The following AEBP2 variants were observed in gnomAD, a reference collection of about 807,000 sequenced individuals.
AEBP2 encodes the protein zinc finger protein AEBP2.
AEBP2 carries 10 observed loss-of-function variants against 50.8 expected under a neutral mutation model. That is an observed-to-expected ratio of 0.20 (90% CI 0.12 to 0.33). The LOEUF (loss-of-function observed/expected upper bound fraction) is 0.33, where lower values mean the gene tolerates loss of function less well. AEBP2 is among the 10% of genes least tolerant of loss of function. The pLI is 1.00. For synonymous variants in AEBP2, 296 were observed against 261.3 expected (o/e 1.13, Z -1.28); for missense variants, 570 against 688.0 (o/e 0.83, Z 1.92).
chr12:19,515,287 A>G (rs1949302340), intron 7 of AEBP2, among the ~76,000 whole-genome samples: 2 of 152,156 alleles, frequency 1.3e-5, no homozygotes, highest in South Asian at 4.1e-4. Context: ...TGCTGTGCTT[A>G]TGAAGGTATG....
chr12:19,471,329 G>A (rs139350230), intron 2 of AEBP2, among the ~76,000 whole-genome samples: 130 of 152,312 alleles, frequency 8.5e-4, no homozygotes, highest in African/African-American at 3.0e-3. Context: ...ATGTTGCCCA[G>A]GCTGGCCTCA....
At chr12:19,427,446 T>C (rs1035768792) in intron 1 of AEBP2, among the ~76,000 whole-genome samples, 1 of 150,124 alleles carries the variant, frequency 6.7e-6, no homozygotes, top group Non-Finnish European at 1.5e-5. Flanking sequence ...GTGACATGCA[T>C]CTTCTCCTAT....
At chr12:19,472,178 A>C (rs1301522381) in intron 2 of AEBP2, among the ~76,000 whole-genome samples, 1 of 152,112 alleles carries the variant, frequency 6.6e-6, no homozygotes, top group Non-Finnish European at 1.5e-5. Context: ...TAAAAATTTT[A>C]TTTTAGGCTG....
intron 5 of AEBP2, among the ~76,000 whole-genome samples, chr12:19,502,584 A>G (rs12824986): frequency 0.091 from 13,732 of 150,842 alleles, 701 homozygotes; most frequent in Middle Eastern, 0.15. Flanking sequence ...TTTGAAGATC[A>G]GTTGGTTGTA....
At chr12:19,458,109 C>T (rs999163178) in intron 1 of AEBP2, among the ~76,000 whole-genome samples, 1 of 152,096 alleles carries the variant, frequency 6.6e-6, no homozygotes, top group African/African-American at 2.4e-5. Flanking sequence ...TGTTACATAA[C>T]GTATTATAGG....
intron 2 of AEBP2, among the ~76,000 whole-genome samples, chr12:19,467,895 G>A (rs906194818): frequency 2.6e-5 from 4 of 151,898 alleles, no homozygotes; most frequent in African/African-American, 9.7e-5. Context: ...GAGGCAAAGC[G>A]AGGAGATTGT....
At chr12:19,505,859 T>C (rs182558456) in intron 5 of AEBP2, among the ~76,000 whole-genome samples, 1 of 152,280 alleles carries the variant, frequency 6.6e-6, no homozygotes, top group East Asian at 1.9e-4. Context: ...CACTGTTGCC[T>C]CAAACTCCTG....
intron 4 of AEBP2, 122 bp downstream of exon 4, chr12:19,494,108 G>T: frequency 1.9e-6 from 2 of 1,076,300 alleles, no homozygotes; most frequent in Non-Finnish European, 1.3e-6. Context: ...CAGGTAGGAT[G>T]CCTGTCTGTC....
In AEBP2 at chr12:19,440,388, T is replaced by C; in HGVS notation, c.671+18T>C. The C allele has an allele frequency of 6.8e-7, 1 of 1,466,514 alleles. No homozygotes were observed. The highest frequency in any genetic ancestry group is 9.0e-7 in the Non-Finnish European group (1 of 1,114,598). The allele number at this position is 1,466,514 out of a possible 1,614,324, so 90.8% of individuals were successfully genotyped here. ...GAGGACAGGTCAGTGCTCTGAAGCGTTTCCCCTTCCCTTCCTCCTCTTGAA... is the reference window on the plus strand; with the variant it reads ...GAGGACAGGTCAGTGCTCTGAAGCGCTTCCCCTTCCCTTCCTCCTCTTGAA... On this transcript the variant is annotated intron_variant, in intron 1 of 7. Transcript: ENST00000266508.
At chr12:19,433,022 G>A (rs868628319) in intron 1 of AEBP2, among the ~76,000 whole-genome samples, 2 of 152,000 alleles carry the variant, frequency 1.3e-5, no homozygotes, top group African/African-American at 2.4e-5. Context: ...AGCATCACAC[G>A]TTCACCAAGC....
At chr12:19,406,801 A>G (rs1259946268) in intron 1 of AEBP2, among the ~76,000 whole-genome samples, 4 of 151,740 alleles carry the variant, frequency 2.6e-5, no homozygotes, top group Admixed American at 6.6e-5. Flanking sequence ...ATTTTCTCCT[A>G]TGTTATCTTC....
chr12:19,506,095 A>AAT (rs1362830189), intron 5 of AEBP2, among the ~76,000 whole-genome samples: 1 of 149,558 alleles, frequency 6.7e-6, no homozygotes, highest in Non-Finnish European at 1.5e-5. Flanking sequence ...TTTTTAAAAT[A>AAT]ATATATATAA....
intron 1 of AEBP2, chr12:19,413,161 C>T (rs879028865): frequency 4.7e-5 from 35 of 740,436 alleles, no homozygotes; most frequent in Admixed American, 3.8e-4. Context: ...AGGATCCTGG[C>T]GATGCAGCCC....
chr12:19,466,369 T>A (rs1052098987), intron 2 of AEBP2, among the ~76,000 whole-genome samples: 2 of 152,110 alleles, frequency 1.3e-5, no homozygotes, highest in Middle Eastern at 3.4e-3. Context: ...GGTGGGAGAA[T>A]TGCTTGAGCC....
At chr12:19,405,452 G>A (rs925433902) in intron 1 of AEBP2, among the ~76,000 whole-genome samples, 1 of 151,944 alleles carries the variant, frequency 6.6e-6, no homozygotes, top group Admixed American at 6.6e-5. Flanking sequence ...AGCCTCCTGA[G>A]TAGCTGGGAC....
chr12:19,430,009 T>G (rs10770483), intron 1 of AEBP2, among the ~76,000 whole-genome samples: 1 of 151,974 alleles, frequency 6.6e-6, no homozygotes, highest in African/African-American at 2.4e-5. Context: ...TTTTGGCTTT[T>G]GTTGCCATTG....
rs1949399117 is a variant in AEBP2 at position 19,521,524 on chromosome 12, T to G, written c.*3407T>G. 6.6e-6 allele frequency: 1 copy of G among 152,112 alleles called. No individual in the cohort carries two copies. Among genetic ancestry groups the G allele is most frequent in the African/African-American group, 2.4e-5 (1 of 41,448 alleles). 9.4% of individuals were successfully genotyped at this position (152,112 alleles called of 1,614,324 possible). A position where few individuals can be genotyped will look rare whatever the true frequency, so the allele number is the denominator to read the frequency against. On this transcript the variant is annotated 3_prime_UTR_variant, in exon 8 of 8. Coordinates refer to ENST00000266508, the MANE Select transcript of AEBP2 (RefSeq NM_153207.5). ...TGGAAATAGTGTAAAATTTAAAATT[T>G]TTTATATTTCTAATAAACTTTTTAT...
At chr12:19,471,687 C>G (rs1046002499) in intron 2 of AEBP2, among the ~76,000 whole-genome samples, 2 of 151,412 alleles carry the variant, frequency 1.3e-5, no homozygotes, top group African/African-American at 4.8e-5. Flanking sequence ...GCCATTATGC[C>G]TAGCCAATTT....
intron 1 of AEBP2, among the ~76,000 whole-genome samples, chr12:19,417,821 C>T (rs1460475625): frequency 6.6e-6 from 1 of 152,026 alleles, no homozygotes; most frequent in African/African-American, 2.4e-5. Context: ...TCTCCTGCCT[C>T]AGCCTCCTGA....
Sources: gnomAD v4.1 joint callset for allele counts (sites outside exome capture counted in the v4.1 genomes callset) on GRCh38, gnomAD v4.1.1 for gene constraint, MANE v1.5 for transcripts, NCBI Gene and HGNC (gene_info 2026-07-23, HGNC 2026-07-21) for gene names.